Variants in HIVEP3 observed in about 807,000 individuals in gnomAD.
HIVEP3 encodes HIVEP zinc finger 3, also known as transcription factor HIVEP3.
In HIVEP3, 49 loss-of-function variants were observed where a neutral mutation model predicts 152.8. The ratio of observed to expected loss-of-function variants is 0.32; its 90% confidence interval spans 0.26 to 0.41. The LOEUF (loss-of-function observed/expected upper bound fraction) is 0.41, where lower values mean the gene tolerates loss of function less well. HIVEP3 is among the 10% of genes least tolerant of loss of function. HIVEP3 has a pLI of 1.00. For synonymous variants in HIVEP3, 1,269 were observed against 1,289.0 expected, an observed-to-expected ratio of 0.98 and a Z score of 0.33; for missense variants, 2,790 against 3,103.3, an observed-to-expected ratio of 0.90 and a Z score of 2.40.
intron 2 of HIVEP3, among the ~76,000 whole-genome samples, chr1:41,676,173 T>TC (rs1333987229): frequency 1.3e-5 from 2 of 151,872 alleles, no homozygotes; most frequent in African/African-American, 4.8e-5. Context: ...TGCCTTAACC[T>TC]CCCCAGTAGC....
chr1:41,751,404 T>C (rs1386960900), intron 1 of HIVEP3, among the ~76,000 whole-genome samples: 1 of 144,658 alleles, frequency 6.9e-6, no homozygotes, highest in Non-Finnish European at 1.5e-5. Context: ...AGCAGATGCT[T>C]ACGCCCCCTC....
Position 41,750,703 on chromosome 1 carries a change from CT to C in HIVEP3, c.-800-49709del, listed in dbSNP as rs11403164. Among the ~76,000 whole-genome samples, 332 of 146,006 alleles carry C rather than the reference CT, an allele frequency of 2.3e-3. 2 individuals are homozygous for C. Among genetic ancestry groups the C allele is most frequent in the African/African-American group, 7.3e-3 (291 of 39,720 alleles). ...CTACTGAGCTACCAAGCCCAGTGCA[CT>C]TTTTTTTTTTTTTGACACGCGTCTC... On this transcript the variant is annotated intron_variant, in intron 1 of 8. Coordinates refer to ENST00000372583, the MANE Select transcript of HIVEP3 (RefSeq NM_024503.5).
chr1:42,032,628 G>T (rs1645619467), intron 1 of HIVEP3, among the ~76,000 whole-genome samples: 1 of 152,038 alleles, frequency 6.6e-6, no homozygotes, highest in East Asian at 1.9e-4. Context: ...GCTCTCCCAA[G>T]CCTCCATCCT....
chr1:42,013,125 C>A (rs1645502749), intron 1 of HIVEP3, among the ~76,000 whole-genome samples: 2 of 152,168 alleles, frequency 1.3e-5, no homozygotes, highest in African/African-American at 4.8e-5. Flanking sequence ...GTGTTCTAGG[C>A]CTCTCTCCTT....
At chr1:41,819,017 T>G (rs910081777) in intron 1 of HIVEP3, among the ~76,000 whole-genome samples, 1 of 152,336 alleles carries the variant, frequency 6.6e-6, no homozygotes, top group East Asian at 1.9e-4. Flanking sequence ...CGGAAGCTAT[T>G]ATCACCTCCA....
At chr1:41,610,060 T>C (rs887789828) in intron 3 of HIVEP3, among the ~76,000 whole-genome samples, 7 of 152,212 alleles carry the variant, frequency 4.6e-5, no homozygotes, top group Admixed American at 2.0e-4. Flanking sequence ...CCTTTAGCCT[T>C]GGCTCCTCCT....
chr1:41,889,253 C>T (rs1644408829), intron 1 of HIVEP3, among the ~76,000 whole-genome samples: 1 of 152,116 alleles, frequency 6.6e-6, no homozygotes, highest in African/African-American at 2.4e-5. Context: ...CCCACATCCC[C>T]TGCTACACAC....
chr1:41,943,269 G>A (rs577544780), intron 1 of HIVEP3, among the ~76,000 whole-genome samples: 2 of 152,234 alleles, frequency 1.3e-5, no homozygotes, highest in Non-Finnish European at 1.5e-5. Context: ...AATAAAATGG[G>A]TTACCTATAG....
chr1:41,778,918 G>A (rs185265955), intron 1 of HIVEP3, among the ~76,000 whole-genome samples: 1 of 152,328 alleles, frequency 6.6e-6, no homozygotes, highest in Admixed American at 6.5e-5. Flanking sequence ...GAGAAAGCCA[G>A]GCATGTATCT....
chr1:41,990,787 T>C (rs1444549791), intron 1 of HIVEP3, among the ~76,000 whole-genome samples: 1 of 134,090 alleles, frequency 7.5e-6, no homozygotes, highest in African/African-American at 2.9e-5. Context: ...AGAACAGAAA[T>C]TATAACAAAC....
chr1:41,817,750 T>A (rs947550348), intron 1 of HIVEP3, among the ~76,000 whole-genome samples: 3 of 152,162 alleles, frequency 2.0e-5, no homozygotes, highest in African/African-American at 7.2e-5. Context: ...ATCCTCACCC[T>A]TTAGGCATCA....
intron 1 of HIVEP3, among the ~76,000 whole-genome samples, chr1:41,754,831 G>A (rs1404430230): frequency 6.6e-6 from 1 of 152,168 alleles, no homozygotes; most frequent in Non-Finnish European, 1.5e-5. Context: ...TTATCAGATA[G>A]GCAAAGATTT....
At chr1:41,983,195 T>C (rs917410648) in intron 1 of HIVEP3, among the ~76,000 whole-genome samples, 12 of 152,220 alleles carry the variant, frequency 7.9e-5, no homozygotes, top group East Asian at 1.9e-4. Context: ...CACAGACCAA[T>C]AGCAGACCCC....
At position 41,507,469 on chromosome 1, in the gene HIVEP3, A is replaced by G. The variant is rs1644394999; in HGVS notation, c.*2982T>C. ...CTGGGGGGCAAGGACTCACCAACCAAAGGCAAGGTTTGGCTCTGAAACCTC... is the reference window on the plus strand; with the variant it reads ...CTGGGGGGCAAGGACTCACCAACCAGAGGCAAGGTTTGGCTCTGAAACCTC... On this transcript the variant is annotated 3_prime_UTR_variant, in exon 9 of 9. Coordinates refer to ENST00000372583, the MANE Select transcript of HIVEP3 (RefSeq NM_024503.5). 1 of 152,364 alleles carries G rather than the reference A, an allele frequency of 6.6e-6. No individual in the cohort carries two copies. The highest frequency in any genetic ancestry group is 6.5e-5 in the Admixed American group (1 of 15,286). The allele number at this position is 152,364 out of a possible 1,614,324, so 9.4% of individuals were successfully genotyped here. A position where few individuals can be genotyped will look rare whatever the true frequency, so the allele number is the denominator to read the frequency against.
At chr1:41,833,979 A>G (rs975392399) in intron 1 of HIVEP3, among the ~76,000 whole-genome samples, 1 of 151,908 alleles carries the variant, frequency 6.6e-6, no homozygotes, top group African/African-American at 2.4e-5. Context: ...CCTAGCAAGG[A>G]CCTCCCTCCT....
chr1:42,031,636 G>A (rs905967906), intron 1 of HIVEP3, among the ~76,000 whole-genome samples: 1 of 152,068 alleles, frequency 6.6e-6, no homozygotes, highest in African/African-American at 2.4e-5. Context: ...TTTCCTGAGG[G>A]ACAGAATCAC....
chr1:41,725,383 G>A (rs527788629), intron 1 of HIVEP3, among the ~76,000 whole-genome samples: 1 of 152,194 alleles, frequency 6.6e-6, no homozygotes, highest in Non-Finnish European at 1.5e-5. Flanking sequence ...CAAGAGAACA[G>A]ACATCTCTTT....
chr1:41,563,260 T>C (rs1039773888), intron 5 of HIVEP3, among the ~76,000 whole-genome samples: 2 of 151,850 alleles, frequency 1.3e-5, no homozygotes, highest in Non-Finnish European at 2.9e-5. Flanking sequence ...GGCAGGAGAA[T>C]TTCTTGAACC....
rs1214388088 is a variant in HIVEP3, at chr1:41,868,004, GCCAC to G, written c.-801+50405_-801+50408del. On this transcript the variant is annotated intron_variant, in intron 1 of 8. Transcript: ENST00000372583. ...AAGCCAATGTCTCTGAGCAGTGAAA[GCCAC>G]CCACCATGGTCATCCAGGTCCTATC... Among the ~76,000 whole-genome samples the G allele has an allele frequency of 3.4e-5, 5 of 147,622 alleles. No homozygotes were observed. The Admixed American group carries it at 3.5e-4, about 10-fold the overall frequency.
Sources: allele counts gnomAD v4.1 joint callset (sites outside exome capture counted in the v4.1 genomes callset), GRCh38; gene constraint gnomAD v4.1.1; transcripts MANE v1.5; gene names NCBI Gene and HGNC (gene_info 2026-07-23, HGNC 2026-07-21).